Variants in HAUS6 observed in about 807,000 individuals in gnomAD.
HAUS6 encodes the protein HAUS augmin like complex subunit 6.
Under a neutral mutation model 106.8 loss-of-function variants are expected in HAUS6, and 80 were observed. The observed-to-expected ratio is 0.75, with a 90% CI of 0.63 to 0.90. The LOEUF (loss-of-function observed/expected upper bound fraction) is 0.90. Ranked by LOEUF, HAUS6 falls within the 40% of genes least tolerant of loss-of-function variation. HAUS6 has a pLI of 0.00. For synonymous variants in HAUS6, 356 were observed against 379.1 expected (o/e 0.94, Z 0.71); for missense variants, 1,155 against 1,118.1 (o/e 1.03, Z -0.47).
chr9:19,090,321 T>TA (rs975052761), intron 4 of HAUS6, among the ~76,000 whole-genome samples: 1 of 152,186 alleles, frequency 6.6e-6, no homozygotes, highest in African/African-American at 2.4e-5. Context: ...TATTTATAGA[T>TA]ACCTCAAATT....
intron 14 of HAUS6, among the ~76,000 whole-genome samples, chr9:19,061,288 A>G (rs1232212977): frequency 6.6e-6 from 1 of 152,220 alleles, no homozygotes; most frequent in Non-Finnish European, 1.5e-5. Context: ...CCTGTCATAA[A>G]CACTCTTAAA....
Position 19,063,500 on chromosome 9 carries a change from A to C in HAUS6, c.1443+14T>G, listed in dbSNP as rs775278551. ...TATGGTCCAGAATTAATTGAGACTT[A>C]TTTTAAAATATACCTTTTCAAGTAC... On this transcript the variant is annotated intron_variant, in intron 13 of 16. Transcript: ENST00000380502. The C allele has an allele frequency of 6.5e-6, 9 of 1,376,800 alleles. No homozygotes were observed. The East Asian group carries it at 1.9e-4, about 29-fold the overall frequency. 85.3% of individuals were successfully genotyped at this position (1,376,800 alleles called of 1,614,324 possible).
intron 1 of HAUS6, among the ~76,000 whole-genome samples, chr9:19,101,219 C>T (rs943504024): frequency 1.3e-5 from 2 of 152,154 alleles, no homozygotes; most frequent in African/African-American, 4.8e-5. Context: ...ATATGTACAA[C>T]TATGAACATA....
intron 1 of HAUS6, among the ~76,000 whole-genome samples, chr9:19,098,763 CT>C (rs1817918690): frequency 6.6e-6 from 1 of 152,092 alleles, no homozygotes; most frequent in Non-Finnish European, 1.5e-5. Context: ...TGGCTCACGC[CT>C]GTAATCCCAG....
chr9:19,072,260 C>A (rs1836896157), intron 11 of HAUS6, among the ~76,000 whole-genome samples: 1 of 151,878 alleles, frequency 6.6e-6, no homozygotes, highest in Non-Finnish European at 1.5e-5. Context: ...CACCTGTAAT[C>A]TCAGCACTTT....
intron 16 of HAUS6, chr9:19,057,135 A>C (rs1385775696): frequency 6.6e-6 from 1 of 152,158 alleles, no homozygotes; most frequent in Non-Finnish European, 1.5e-5. Context: ...ATACCCCCAA[A>C]AACATATGTT....
chr9:19,097,188 G>A (rs1035999152), intron 1 of HAUS6, among the ~76,000 whole-genome samples: 2 of 152,142 alleles, frequency 1.3e-5, no homozygotes, highest in African/African-American at 4.8e-5. Flanking sequence ...ACATAGGCAT[G>A]GGCAAGGACT....
chr9:19,090,891 T>C (rs935772652), intron 4 of HAUS6, among the ~76,000 whole-genome samples: 1 of 152,214 alleles, frequency 6.6e-6, no homozygotes, highest in African/African-American at 2.4e-5. Context: ...TTTTTACCTG[T>C]AATAAATCCT....
rs1486835143 is a variant in HAUS6, at chr9:19,058,598, A to G, written c.2169T>C (p.Asp723=). The change falls in exon 16 of 17, where the codon GAT becomes GAC. Residue 723 remains aspartate (D), a synonymous_variant. Transcript: ENST00000380502. ...TFSPAVGNRI[D]VMGGSEEEFM... is the part of the protein sequence containing the mutation. The stretch of plus-strand genomic sequence containing the variant: ...ACTCCTCTTCACTGCCACCCATCAC[A>G]TCTATCCTATTGCCGACAGCAGGGG... 117 of 1,604,790 alleles carry G rather than the reference A, an allele frequency of 7.3e-5. No individual in the cohort carries two copies. Among genetic ancestry groups the G allele is most frequent in the Admixed American group, 1.0e-4 (6 of 59,694 alleles).
At chr9:19,062,140 C>T (rs562508971) in intron 14 of HAUS6, among the ~76,000 whole-genome samples, 1 of 152,248 alleles carries the variant, frequency 6.6e-6, no homozygotes, top group Admixed American at 6.5e-5. Context: ...ATTGTGTGGT[C>T]ACTTACCAGT....
intron 14 of HAUS6, among the ~76,000 whole-genome samples, chr9:19,062,739 G>A (rs1836654846): frequency 6.6e-6 from 1 of 152,190 alleles, no homozygotes; most frequent in East Asian, 1.9e-4. Flanking sequence ...ACAGCTCACT[G>A]CAGCCTCAGT....
At position 19,100,238 on chromosome 9, in the gene HAUS6, T is replaced by C. The variant is rs888378581; in HGVS notation, c.128+2286A>G. ...CTAGCCAGGCGTGGCAGCAGGCACC[T>C]GTAATTCCAGCTATTCGGGAGGCTG... On this transcript the variant is annotated intron_variant, in intron 1 of 16. Transcript: ENST00000380502. 3.3e-5 allele frequency among the ~76,000 whole-genome samples: 5 copies of C among 151,638 alleles called. 1 individual carries two copies. The highest frequency in any genetic ancestry group is 1.3e-4 in the Admixed American group (2 of 15,236).
chr9:19,100,902 G>A (rs990773391), intron 1 of HAUS6, among the ~76,000 whole-genome samples: 43 of 152,164 alleles, frequency 2.8e-4, no homozygotes, highest in African/African-American at 1.0e-3. Context: ...ATGGAGGTAG[G>A]GAGTAGAATG....
intron 11 of HAUS6, among the ~76,000 whole-genome samples, chr9:19,072,029 A>G (rs920413048): frequency 3.6e-4 from 53 of 146,108 alleles, no homozygotes; most frequent in African/African-American, 1.2e-3. Context: ...GTCTCTACTA[A>G]AAATACAAAA....
At chr9:19,075,626 A>T (rs1020448428) in intron 11 of HAUS6, among the ~76,000 whole-genome samples, 1 of 152,138 alleles carries the variant, frequency 6.6e-6, no homozygotes, top group African/African-American at 2.4e-5. Context: ...ATTTATATGA[A>T]ATATCCAGAA....
chr9:19,053,840 G>T lies in HAUS6; in HGVS notation c.*2503C>A, dbSNP rs1399820358. The T allele has an allele frequency of 6.6e-6, 1 of 151,768 alleles. No homozygotes were observed. The highest frequency in any genetic ancestry group is 6.6e-5 in the Admixed American group (1 of 15,228). The allele number at this position is 151,768 out of a possible 1,614,324, so 9.4% of individuals were successfully genotyped here. On this transcript the variant is annotated 3_prime_UTR_variant, in exon 17 of 17. Transcript: ENST00000380502. Reference sequence around the variant, plus strand: ...TGATAAAGATGACACATGGCCTTGGGGTATATGTATGTGTGTGAATACATA... The same window carrying T: ...TGATAAAGATGACACATGGCCTTGGTGTATATGTATGTGTGTGAATACATA...
rs551767093 is a variant in HAUS6 at position 19,074,414 on chromosome 9, G to A, written c.1294+2188C>T. Among the ~76,000 whole-genome samples the A allele has an allele frequency of 2.3e-4, 35 of 152,204 alleles. 1 individual carries two copies. The highest frequency in any genetic ancestry group is 7.7e-4 in the African/African-American group (32 of 41,516). On this transcript the variant is annotated intron_variant, in intron 11 of 16. Coordinates refer to ENST00000380502, the MANE Select transcript of HAUS6 (RefSeq NM_017645.5). ...AGCCTCCTGAATAGCTAGGACTACA[G>A]ACACACACCACCAGGCCTGGCTAAT...
At chr9:19,065,449 AGT>A (rs1836740350) in intron 12 of HAUS6, among the ~76,000 whole-genome samples, 1 of 152,258 alleles carries the variant, frequency 6.6e-6, no homozygotes, top group African/African-American at 2.4e-5. Flanking sequence ...AAATAAATGT[AGT>A]GTTACAAAGC....
At chr9:19,092,954 T>C (rs1817786425) in intron 4 of HAUS6, among the ~76,000 whole-genome samples, 1 of 148,108 alleles carries the variant, frequency 6.8e-6, no homozygotes, top group Non-Finnish European at 1.5e-5. Flanking sequence ...CCAACCCTTG[T>C]ATTAGAACAT....
Sources: gnomAD v4.1 joint callset for allele counts (sites outside exome capture counted in the v4.1 genomes callset) on GRCh38, gnomAD v4.1.1 for gene constraint, MANE v1.5 for transcripts, NCBI Gene and HGNC (gene_info 2026-07-23, HGNC 2026-07-21) for gene names.